The following HOOK3 variants were observed in gnomAD, a reference collection of about 807,000 sequenced individuals.
HOOK3 encodes the protein hook microtubule tethering protein 3.
HOOK3 carries 24 observed loss-of-function variants against 116.3 expected under a neutral mutation model. The observed-to-expected ratio is 0.21, with a 90% confidence interval of 0.15 to 0.29. The LOEUF (loss-of-function observed/expected upper bound fraction) is 0.29. Among genes scored for constraint, HOOK3 ranks in the 10% least tolerant of loss-of-function variants. The pLI, the probability that HOOK3 is intolerant of heterozygous loss-of-function variation, is 1.00. For missense variants in HOOK3, 632 were observed against 830.2 expected (o/e 0.76, Z 2.93); for synonymous variants, 275 against 283.0 (o/e 0.97, Z 0.28).
intron 19 of HOOK3, 51 bp from the exon 20 acceptor site, chr8:43,013,000 C>A: frequency 9.3e-7 from 1 of 1,080,634 alleles, no homozygotes; most frequent in Non-Finnish European, 1.4e-6. Flanking sequence ...TTAAACGTTA[C>A]ATTCTTTAAG....
chr8:42,943,532 C>G, intron 5 of HOOK3, 87 bp downstream of exon 5: 3 of 854,406 alleles, frequency 3.5e-6, no homozygotes, highest in African/African-American at 1.8e-5. Flanking sequence ...TCACCAGTAC[C>G]AACAGTAACA....
intron 5 of HOOK3, among the ~76,000 whole-genome samples, chr8:42,947,057 C>T (rs960021367): frequency 6.6e-6 from 1 of 152,320 alleles, no homozygotes; most frequent in South Asian, 2.1e-4. Flanking sequence ...GCATGAGCCA[C>T]TGCGCCTGGC....
intron 2 of HOOK3, among the ~76,000 whole-genome samples, chr8:42,918,736 G>C (rs1026883213): frequency 7.2e-5 from 11 of 152,122 alleles, no homozygotes; most frequent in Admixed American, 2.0e-4. Context: ...GAGAGCAAGG[G>C]GTTGGGGGTA....
intron 7 of HOOK3, 128 bp from the exon 8 acceptor site, chr8:42,959,103 G>T: frequency 1.6e-6 from 1 of 612,086 alleles, no homozygotes; most frequent in East Asian, 2.8e-5. Flanking sequence ...CAGGATTCTT[G>T]ATTTCCTCTT....
At chr8:42,988,886 AC>A (rs2130455055) in intron 15 of HOOK3, among the ~76,000 whole-genome samples, 1 of 152,154 alleles carries the variant, frequency 6.6e-6, no homozygotes, top group Admixed American at 6.6e-5. Flanking sequence ...TAAATGACTT[AC>A]CCTAAGTTTG....
rs775609317 is a variant in HOOK3, at chr8:42,968,140, A to C, written c.1048A>C (p.Asn350His). 1 of 1,613,830 alleles carries C rather than the reference A, an allele frequency of 6.2e-7. No homozygotes were observed. Residue 350 changes from asparagine (N) to histidine (H), a missense_variant, in exon 11 of 22, where the codon AAT (asparagine) becomes CAT (histidine). By Grantham distance (68) the Asn-to-His change is moderately conservative (BLOSUM62 1). Coordinates refer to ENST00000307602, the MANE Select transcript of HOOK3 (RefSeq NM_032410.4). Reference protein sequence around the residue: ...LEEKNTMYMQNTVSLEEELRK... With the variant: ...LEEKNTMYMQHTVSLEEELRK... ...AGAGAAGAATACCATGTATATGCAG[A>C]ATACTGTCAGTCTAGAGGAAGAGTT...
At chr8:42,928,437 C>G (rs1225083929) in intron 3 of HOOK3, among the ~76,000 whole-genome samples, 1 of 150,388 alleles carries the variant, frequency 6.6e-6, no homozygotes, top group Non-Finnish European at 1.5e-5. Context: ...GGCGACAGAG[C>G]AAGACTCAGT....
chr8:42,978,905 C>T (rs1021410804), intron 13 of HOOK3, among the ~76,000 whole-genome samples: 1 of 152,168 alleles, frequency 6.6e-6, no homozygotes, highest in Admixed American at 6.5e-5. Flanking sequence ...GTGATCTAAG[C>T]TCATACCTAG....
chr8:43,009,117 G>A (rs930952160), intron 18 of HOOK3, among the ~76,000 whole-genome samples: 2 of 151,604 alleles, frequency 1.3e-5, no homozygotes, highest in African/African-American at 2.4e-5. Context: ...AAAAAAGAAA[G>A]AAGGCCAGCA....
At chr8:42,905,328 G>T (rs865893336) in intron 1 of HOOK3, among the ~76,000 whole-genome samples, 5 of 141,878 alleles carry the variant, frequency 3.5e-5, no homozygotes, top group South Asian at 2.2e-4. Context: ...CTTTTTTTGG[G>T]GGGGGGGGTG....
At position 42,968,145 on chromosome 8, in the gene HOOK3, TGTCA is replaced by T; in HGVS notation, c.1057_1060del (p.Ser353Ter). 6.2e-7 allele frequency: 1 copy of T among 1,613,824 alleles called. No homozygotes were observed. The highest frequency in any genetic ancestry group is 8.5e-7 in the Non-Finnish European group (1 of 1,179,756). The stretch of plus-strand genomic sequence containing the variant: ...AGAATACCATGTATATGCAGAATAC[TGTCA>T]GTCTAGAGGAAGAGTTAAGAAAGGC... On this transcript the variant is annotated frameshift_variant, in exon 11 of 22. Transcript: ENST00000307602. LOFTEE classifies it high-confidence loss of function.
chr8:43,002,085 TA>T, intron 16 of HOOK3, 21 bp from the exon 17 acceptor site: 1 of 1,462,222 alleles, frequency 6.8e-7, no homozygotes, highest in Non-Finnish European at 9.6e-7. Flanking sequence ...GGTAATAAAC[TA>T]ATTTTGTTTT....
chr8:42,940,502 A>G (rs1478841443), intron 4 of HOOK3, among the ~76,000 whole-genome samples: 1 of 138,160 alleles, frequency 7.2e-6, no homozygotes, highest in East Asian at 1.9e-4. Flanking sequence ...CCGTGGGGAC[A>G]GGGACAGGGA....
chr8:42,980,906 C>T (rs543452770), intron 13 of HOOK3, among the ~76,000 whole-genome samples: 18 of 151,918 alleles, frequency 1.2e-4, no homozygotes, highest in African/African-American at 2.9e-4. Context: ...GAGACCTGAG[C>T]GAACAAGTGA....
chr8:42,924,567 A>G (rs1807726462), intron 2 of HOOK3, among the ~76,000 whole-genome samples: 1 of 152,222 alleles, frequency 6.6e-6, no homozygotes, highest in South Asian at 2.1e-4. Flanking sequence ...ATTTGAAGAA[A>G]TCAGAATTTA....
intron 1 of HOOK3, 30 bp downstream of exon 1, chr8:42,897,218 A>G (rs771001701): frequency 3.3e-6 from 4 of 1,221,592 alleles, no homozygotes; most frequent in Non-Finnish European, 4.1e-6. Flanking sequence ...CGGCGGGAAG[A>G]CCCCCTCCCC....
chr8:42,988,660 C>T (rs1809095448), intron 15 of HOOK3, among the ~76,000 whole-genome samples: 1 of 146,072 alleles, frequency 6.8e-6, no homozygotes. Context: ...TACTAAGCAC[C>T]TGTTTGTCTC....
chr8:42,957,964 G>A (rs1808465679), intron 7 of HOOK3, among the ~76,000 whole-genome samples: 1 of 151,828 alleles, frequency 6.6e-6, no homozygotes, highest in South Asian at 2.1e-4. Context: ...CAAGTAGCTG[G>A]GACTACAGGC....
At chr8:42,918,097 T>C (rs1807566804) in intron 2 of HOOK3, among the ~76,000 whole-genome samples, 1 of 152,160 alleles carries the variant, frequency 6.6e-6, no homozygotes, top group Admixed American at 6.5e-5. Flanking sequence ...GAAAATTACA[T>C]TGGGCCGAGG....
Sources: allele counts gnomAD v4.1 joint callset (sites outside exome capture counted in the v4.1 genomes callset), GRCh38; gene constraint gnomAD v4.1.1; transcripts MANE v1.5; gene names NCBI Gene and HGNC (gene_info 2026-07-23, HGNC 2026-07-21).